Variants in PRKCA observed in about 807,000 individuals in gnomAD.
The protein encoded by PRKCA is protein kinase C alpha.
Under a neutral mutation model 87.0 loss-of-function variants are expected in PRKCA, and 27 were observed. The ratio of observed to expected loss-of-function variants is 0.31; its 90% CI spans 0.23 to 0.43. The LOEUF is 0.43. Ranked by LOEUF, PRKCA falls within the 20% of genes least tolerant of loss-of-function variation. The pLI, the probability that PRKCA is intolerant of heterozygous loss-of-function variation, is 1.00. For missense variants in PRKCA, 518 were observed against 852.3 expected (o/e 0.61, Z 4.88); for synonymous variants, 329 against 311.1 (o/e 1.06, Z -0.61).
At chr17:66,442,293 G>A (rs1043933610) in intron 2 of PRKCA, among the ~76,000 whole-genome samples, 4 of 151,386 alleles carry the variant, frequency 2.6e-5, no homozygotes, top group Admixed American at 2.6e-4. Context: ...CTGACCTCAA[G>A]TGATCCACCC....
At chr17:66,445,176 C>G (rs1913971150) in intron 2 of PRKCA, among the ~76,000 whole-genome samples, 1 of 152,134 alleles carries the variant, frequency 6.6e-6, no homozygotes, top group African/African-American at 2.4e-5. Context: ...TGAATAAAGC[C>G]TGTGTCACTG....
At chr17:66,711,084 T>C (rs9908758) in intron 8 of PRKCA, among the ~76,000 whole-genome samples, 42,287 of 150,674 alleles carry the variant, frequency 0.28, 6,250 homozygotes, top group East Asian at 0.44. Context: ...AAATAAAATT[T>C]TACCAAGCAA....
At chr17:66,699,951 C>T (rs144807865) in intron 8 of PRKCA, among the ~76,000 whole-genome samples, 1 of 152,242 alleles carries the variant, frequency 6.6e-6, no homozygotes, top group Non-Finnish European at 1.5e-5. Flanking sequence ...TGCCTGAGTT[C>T]ATTTTATGGG....
At chr17:66,696,381 A>G (rs966436251) in intron 8 of PRKCA, 1 of 152,196 alleles carries the variant, frequency 6.6e-6, no homozygotes, top group South Asian at 2.1e-4. Context: ...ATGATCTTGG[A>G]TAAGTTCCTT....
chr17:66,551,542 G>A (rs938096527), intron 3 of PRKCA, among the ~76,000 whole-genome samples: 2 of 152,234 alleles, frequency 1.3e-5, no homozygotes, highest in African/African-American at 4.8e-5. Flanking sequence ...GGGCGAGCCA[G>A]ACGAAATCAG....
At chr17:66,659,763 G>A (rs1971839663) in intron 5 of PRKCA, among the ~76,000 whole-genome samples, 1 of 152,098 alleles carries the variant, frequency 6.6e-6, no homozygotes, top group African/African-American at 2.4e-5. Context: ...TCACTAATGT[G>A]ATTGTTATCA....
At chr17:66,561,390 A>G (rs1209808319) in intron 3 of PRKCA, among the ~76,000 whole-genome samples, 1 of 152,132 alleles carries the variant, frequency 6.6e-6, no homozygotes, top group Non-Finnish European at 1.5e-5. Flanking sequence ...AGGAAGCCAC[A>G]TTTTACCCTT....
intron 5 of PRKCA, among the ~76,000 whole-genome samples, chr17:66,685,034 A>G (rs1406881772): frequency 6.6e-6 from 1 of 152,130 alleles, no homozygotes; most frequent in African/African-American, 2.4e-5. Flanking sequence ...AACCTTTCAC[A>G]TGAGCTTGGT....
At chr17:66,376,595 G>A (rs1369375416) in intron 2 of PRKCA, among the ~76,000 whole-genome samples, 2 of 151,906 alleles carry the variant, frequency 1.3e-5, no homozygotes, top group Non-Finnish European at 2.9e-5. Flanking sequence ...CTTCAGCCTG[G>A]GTGACAGAGC....
intron 16 of PRKCA, among the ~76,000 whole-genome samples, chr17:66,800,300 A>C (rs1975870487): frequency 6.6e-6 from 1 of 152,254 alleles, no homozygotes; most frequent in Admixed American, 6.5e-5. Context: ...CAGAAGCCAC[A>C]CAGCAGCACT....
chr17:66,315,411 G>C (rs895958399), intron 2 of PRKCA, among the ~76,000 whole-genome samples: 5 of 152,008 alleles, frequency 3.3e-5, no homozygotes, highest in African/African-American at 1.2e-4. Context: ...TCCTTTTCTT[G>C]AAGTTTTGTC....
intron 3 of PRKCA, among the ~76,000 whole-genome samples, chr17:66,619,910 G>A (rs554224823): frequency 6.6e-6 from 1 of 152,012 alleles, no homozygotes; most frequent in Non-Finnish European, 1.5e-5. Flanking sequence ...ATAAAGTCAC[G>A]AAGGAGACTA....
chr17:66,662,650 T>C (rs1971938345), intron 5 of PRKCA, among the ~76,000 whole-genome samples: 2 of 151,922 alleles, frequency 1.3e-5, no homozygotes, highest in South Asian at 4.2e-4. Flanking sequence ...GGTTCTTGTT[T>C]GATTTTGTTT....
intron 2 of PRKCA, among the ~76,000 whole-genome samples, chr17:66,307,424 T>G (rs1258247829): frequency 6.6e-6 from 1 of 152,176 alleles, no homozygotes; most frequent in Non-Finnish European, 1.5e-5. Context: ...TTTAAAGATG[T>G]AAGGTTCTGG....
intron 2 of PRKCA, among the ~76,000 whole-genome samples, chr17:66,368,592 A>G (rs921415123): frequency 2.0e-5 from 3 of 150,942 alleles, no homozygotes; most frequent in African/African-American, 7.3e-5. Flanking sequence ...GGATTGCGCT[A>G]TGTTGTCCAG....
intron 13 of PRKCA, among the ~76,000 whole-genome samples, chr17:66,753,621 T>C (rs1316850365): frequency 6.6e-6 from 1 of 152,040 alleles, no homozygotes; most frequent in Admixed American, 6.6e-5. Context: ...ACCCCACAAA[T>C]CCGTGTGCTA....
intron 3 of PRKCA, among the ~76,000 whole-genome samples, chr17:66,530,276 T>C (rs1033505014): frequency 6.6e-6 from 1 of 152,184 alleles, no homozygotes; most frequent in African/African-American, 2.4e-5. Context: ...GAATGTATTT[T>C]ATTGAATCCC....
chr17:66,455,708 A>G (rs570909469), intron 2 of PRKCA, among the ~76,000 whole-genome samples: 18 of 152,294 alleles, frequency 1.2e-4, no homozygotes, highest in Non-Finnish European at 4.4e-5. Flanking sequence ...ATCTAAGAAC[A>G]CAAGGGTGGG....
In PRKCA at chr17:66,347,941, C is replaced by CTTTTTTTTTTTTTTTTTTTTTTT. The variant is rs57292153; in HGVS notation, c.205+41833_205+41834insTTTTTTTTTTTTTTTTTTTTTTT. Among the ~76,000 whole-genome samples, 40 of 56,454 alleles carry CTTTTTTTTTTTTTTTTTTTTTTT rather than the reference C, an allele frequency of 7.1e-4. 16 individuals are homozygous for CTTTTTTTTTTTTTTTTTTTTTTT. The highest frequency in any genetic ancestry group is 2.3e-3 in the Admixed American group (6 of 2,594). 37.0% of individuals were successfully genotyped at this position (56,454 alleles called of 152,430 possible). ...AGAATATTTACTCAGAATTCTGAAC[C>CTTTTTTTTTTTTTTTTTTTTTTT]TTTTTTTTTTTTTTTTTTTGAGACA... On this transcript the variant is annotated intron_variant, in intron 2 of 16. Coordinates refer to ENST00000413366, the MANE Select transcript of PRKCA (RefSeq NM_002737.3).
Sources: allele counts gnomAD v4.1 joint callset (sites outside exome capture counted in the v4.1 genomes callset), GRCh38; gene constraint gnomAD v4.1.1; transcripts MANE v1.5; gene names NCBI Gene and HGNC (gene_info 2026-07-23, HGNC 2026-07-21).